The following C17orf78 variants were observed in gnomAD, a reference collection of about 807,000 sequenced individuals.
The protein encoded by C17orf78 is chromosome 17 open reading frame 78.
In C17orf78, 27 loss-of-function variants were observed where a neutral mutation model predicts 31.8. The ratio of observed to expected loss-of-function variants is 0.85; its 90% CI spans 0.63 to 1.17. C17orf78 has a LOEUF of 1.17. Ranked by LOEUF, C17orf78 falls within the 50% of genes most tolerant of loss-of-function variation. The probability of loss-of-function intolerance (pLI) is 0.00; values close to 1 mark genes in which losing one functional copy is unlikely to be tolerated. For missense variants in C17orf78, 258 were observed against 315.2 expected (o/e 0.82, Z 1.37); for synonymous variants, 106 against 115.1 (o/e 0.92, Z 0.51).
At chr17:37,390,175 T>TATATATATATATATATATATATATACAC (rs60788220) in intron 6 of C17orf78, among the ~76,000 whole-genome samples, 1 of 44,508 alleles carries the variant, frequency 2.2e-5, no homozygotes, top group Non-Finnish European at 3.6e-5. Context: ...TATATATATA[T>TATATATATATATATATATATATATACAC]ACACACACAC....
chr17:37,386,163 A>C, intron 4 of C17orf78, 38 bp downstream of exon 4: 1 of 1,315,876 alleles, frequency 7.6e-7, no homozygotes, highest in South Asian at 1.3e-5. Context: ...AGTACAGAAT[A>C]AGTAGGAGTA....
chr17:37,377,474 A>G (rs866046841), intron 1 of C17orf78, among the ~76,000 whole-genome samples: 1 of 152,050 alleles, frequency 6.6e-6, no homozygotes, highest in Non-Finnish European at 1.5e-5. Flanking sequence ...AGCATAGCCA[A>G]AATGGCGAAA....
chr17:37,379,976 G>A (rs1312591339), intron 3 of C17orf78, among the ~76,000 whole-genome samples: 2 of 149,818 alleles, frequency 1.3e-5, no homozygotes, highest in African/African-American at 2.5e-5. Flanking sequence ...ACATGCACAC[G>A]TATGTTTACT....
At chr17:37,383,973 A>G (rs891440739) in intron 3 of C17orf78, among the ~76,000 whole-genome samples, 1 of 152,236 alleles carries the variant, frequency 6.6e-6, no homozygotes, top group African/African-American at 2.4e-5. Context: ...CAGGGTAGAA[A>G]TAAAAATTAG....
intron 3 of C17orf78, among the ~76,000 whole-genome samples, 156 bp downstream of exon 3, chr17:37,379,538 A>G (rs989299002): frequency 8.5e-5 from 13 of 152,174 alleles, no homozygotes; most frequent in Non-Finnish European, 1.9e-4. Context: ...GTTTGAGTTC[A>G]TTGTAGATTC....
At position 37,390,291 on chromosome 17, in the gene C17orf78, ATATTATACATAAT is replaced by A. The variant is rs2050781152; in HGVS notation, c.750+933_750+945del. ...TATATAATATATTATATATAATTAT[ATATTATACATAAT>A]TATATATATATATATATATATATAT... is the stretch of plus-strand genomic sequence containing the variant. On this transcript the variant is annotated intron_variant, in intron 6 of 6. Transcript: ENST00000615133. 1.8e-4 allele frequency among the ~76,000 whole-genome samples: 8 copies of A among 45,112 alleles called. 1 individual carries two copies. The highest frequency in any genetic ancestry group is 2.4e-4 in the Non-Finnish European group (7 of 28,970). 29.6% of individuals were successfully genotyped at this position (45,112 alleles called of 152,430 possible). A position where few individuals can be genotyped will look rare whatever the true frequency, so the allele number is the denominator to read the frequency against.
At chr17:37,391,006 C>T (rs1314771816) in intron 6 of C17orf78, among the ~76,000 whole-genome samples, 1 of 151,594 alleles carries the variant, frequency 6.6e-6, no homozygotes, top group Non-Finnish European at 1.5e-5. Flanking sequence ...TTTGGGAGGC[C>T]GAGGTGGATG....
intron 4 of C17orf78, chr17:37,387,577 G>A (rs1249704322): frequency 6.6e-6 from 1 of 151,866 alleles, no homozygotes; most frequent in Non-Finnish European, 1.5e-5. Flanking sequence ...CTCCTGAGTA[G>A]CTGGGACAAC....
intron 3 of C17orf78, among the ~76,000 whole-genome samples, chr17:37,384,545 A>G (rs2050443401): frequency 6.6e-6 from 1 of 151,744 alleles, no homozygotes; most frequent in African/African-American, 2.4e-5. Context: ...TTATTTTACT[A>G]TTACCATCTT....
chr17:37,377,499 A>C (rs1310497001), intron 1 of C17orf78, among the ~76,000 whole-genome samples: 1 of 151,884 alleles, frequency 6.6e-6, no homozygotes, highest in Non-Finnish European at 1.5e-5. Flanking sequence ...ATCTCTACTA[A>C]AAATACAAAA....
rs145790534 is a variant in C17orf78 at position 37,392,184 on chromosome 17, G to C, written c.*460G>C. 105 of 164,074 alleles carry C rather than the reference G, an allele frequency of 6.4e-4. 2 individuals are homozygous for C. In the East Asian group the frequency reaches 0.017, roughly 26 times the overall value. The allele number at this position is 164,074 out of a possible 1,614,324, so 10.2% of individuals were successfully genotyped here. On this transcript the variant is annotated 3_prime_UTR_variant, in exon 7 of 7. Coordinates refer to ENST00000615133, the MANE Select transcript of C17orf78 (RefSeq NM_173625.5). ...CCCTGGTTGACGTTTATAAGGTTTT[G>C]TAATTTAGCTTCTGGTACTACATGT...
At chr17:37,386,541 G>A (rs1003846377) in intron 4 of C17orf78, among the ~76,000 whole-genome samples, 2 of 152,132 alleles carry the variant, frequency 1.3e-5, no homozygotes, top group African/African-American at 2.4e-5. Context: ...GCAGTGAGCC[G>A]AGATTGTCCC....
chr17:37,379,513 T>A, intron 3 of C17orf78, 131 bp downstream of exon 3: 1 of 1,268,778 alleles, frequency 7.9e-7, no homozygotes, highest in Non-Finnish European at 1.1e-6. Context: ...TGTTTGTTTT[T>A]TTTCTTGTAA....
chr17:37,390,304 T>TTTTATATATATATATATATATATA (rs1201500381), intron 6 of C17orf78, among the ~76,000 whole-genome samples: 2 of 17,974 alleles, frequency 1.1e-4, no homozygotes, highest in African/African-American at 7.6e-4. Flanking sequence ...TTATACATAA[T>TTTTATATATATATATATATATATA]TATATATATA....
chr17:37,388,037 C>T (rs1188121088), intron 4 of C17orf78: 2 of 152,000 alleles, frequency 1.3e-5, no homozygotes, highest in East Asian at 3.9e-4. Flanking sequence ...TGGTGGCGTT[C>T]GCCTGTGGTC....
In C17orf78 at chr17:37,391,657, A is replaced by C; in HGVS notation, c.761A>C (p.Asp254Ala). Residue 254 changes from aspartate (D) to alanine (A), a missense_variant, in exon 7 of 7, where the codon GAT becomes GCT. By Grantham distance (126) the Asp-to-Ala change is moderately radical. Transcript: ENST00000615133. ...CCTTTCAATCTCTAGGTTGGACAAGATGCTGCCAATTCATCAAACCCAAAG... is the reference window on the plus strand; with the variant it reads ...CCTTTCAATCTCTAGGTTGGACAAGCTGCTGCCAATTCATCAAACCCAAAG... The part of the protein sequence containing the change: ...PDSQPQKVGQ[D>A]AANSSNPKKA... The C allele has an allele frequency of 6.2e-7, 1 of 1,613,854 alleles. No individual in the cohort carries two copies.
intron 3 of C17orf78, among the ~76,000 whole-genome samples, chr17:37,383,276 C>G (rs1284640807): frequency 6.6e-6 from 1 of 151,896 alleles, no homozygotes; most frequent in Non-Finnish European, 1.5e-5. Flanking sequence ...GAAATTGGGA[C>G]AAGGAAAACT....
At chr17:37,383,267 A>T (rs2050383824) in intron 3 of C17orf78, among the ~76,000 whole-genome samples, 2 of 152,134 alleles carry the variant, frequency 1.3e-5, no homozygotes, top group South Asian at 4.1e-4. Flanking sequence ...TAGCTCTTAG[A>T]AATTGGGACA....
intron 3 of C17orf78, among the ~76,000 whole-genome samples, chr17:37,384,998 G>A (rs923674711): frequency 1.3e-5 from 2 of 152,230 alleles, no homozygotes; most frequent in African/African-American, 4.8e-5. Context: ...CAATTCTGGA[G>A]ACGAGTGAGG....
Sources: gnomAD v4.1 joint callset for allele counts (sites outside exome capture counted in the v4.1 genomes callset) on GRCh38, gnomAD v4.1.1 for gene constraint, MANE v1.5 for transcripts, NCBI Gene and HGNC (gene_info 2026-07-23, HGNC 2026-07-21) for gene names.